HUWE1: variants seen among roughly 807,000 people sequenced by gnomAD.
The protein encoded by HUWE1 is HECT, UBA and WWE domain containing E3 ubiquitin protein ligase 1.
HUWE1 carries 18 observed loss-of-function variants against 299.4 expected under a neutral mutation model. That is an observed-to-expected ratio of 0.06 (90% CI 0.04 to 0.09). The LOEUF (loss-of-function observed/expected upper bound fraction) is 0.09, where lower values mean the gene tolerates loss of function less well. Ranked by LOEUF, HUWE1 falls within the 10% of genes least tolerant of loss-of-function variation. The pLI is 1.00. For synonymous variants in HUWE1, 1,317 were observed against 1,286.1 expected (o/e 1.02, Z -0.51); for missense variants, 1,832 against 3,462.3 (o/e 0.53, Z 11.82).
chrX:53,678,615 A>T (rs1228554162), intron 3 of HUWE1, among the ~76,000 whole-genome samples: 1 of 111,964 alleles, frequency 8.9e-6, no homozygotes, highest in African/African-American at 3.2e-5. Context: ...GAAAATCAAC[A>T]TGTAAGTAGA....
intron 41 of HUWE1, 69 bp from the exon 42 acceptor site, chrX:53,583,985 CTAAG>C: frequency 1.1e-6 from 1 of 936,542 alleles, no homozygotes. Flanking sequence ...CGCCTCCCTC[CTAAG>C]TAATTGGCCA....
intron 60 of HUWE1, chrX:53,556,277 G>A: frequency 2.9e-6 from 1 of 347,436 alleles, no homozygotes. Flanking sequence ...CTTCTAATTG[G>A]GGCCTAATAT....
chrX:53,672,467 CAG>C (rs2149544560), intron 3 of HUWE1, among the ~76,000 whole-genome samples: 1 of 109,879 alleles, frequency 9.1e-6, no homozygotes, highest in South Asian at 3.9e-4. Context: ...CCATGTTGGC[CAG>C]GCTGGTCTCG....
chrX:53,562,043 G>A (rs2062319652), intron 54 of HUWE1, 68 bp downstream of exon 54: 2 of 1,208,740 alleles, frequency 1.7e-6, no homozygotes, highest in Non-Finnish European at 2.2e-6. Flanking sequence ...CAGACTGTTG[G>A]TTTTCTGCAG....
chrX:53,635,944 A>C (rs2067185753), intron 7 of HUWE1, among the ~76,000 whole-genome samples: 1 of 112,580 alleles, frequency 8.9e-6, no homozygotes, highest in Non-Finnish European at 1.9e-5. Context: ...TCCTGTGAGA[A>C]ATAAGCTTTC....
intron 46 of HUWE1, among the ~76,000 whole-genome samples, chrX:53,574,555 C>T (rs781990350): frequency 1.4e-4 from 16 of 112,487 alleles, no homozygotes; most frequent in South Asian, 3.7e-4. Flanking sequence ...CCATCATCCA[C>T]GCTATACACT....
rs1304226684 is a variant in HUWE1 at position 53,542,784 on chromosome X, A to C, written c.11380-245T>G. On this transcript the variant is annotated intron_variant, in intron 73 of 83. Transcript: ENST00000262854. ...GATGCTTACATTTCCTACAGTCTACAATCCAGACCTGTGACCAGTCAGAAC... is the reference window on the plus strand; with the variant it reads ...GATGCTTACATTTCCTACAGTCTACCATCCAGACCTGTGACCAGTCAGAAC... 2.3e-5 allele frequency: 9 copies of C among 394,818 alleles called. No individual in the cohort carries two copies. The East Asian group carries it at 4.0e-4, about 18-fold the overall frequency. 32.5% of individuals were successfully genotyped at this position (394,818 alleles called of 1,213,427 possible). A position where few individuals can be genotyped will look rare whatever the true frequency, so the allele number is the denominator to read the frequency against.
chrX:53,577,766 C>A (rs1264118618), intron 43 of HUWE1, among the ~76,000 whole-genome samples: 1 of 114,553 alleles, frequency 8.7e-6, no homozygotes, highest in Non-Finnish European at 1.9e-5. Context: ...GCGAGTGATC[C>A]GCCAGCCTCG....
intron 34 of HUWE1, 58 bp from the exon 35 acceptor site, chrX:53,590,557 A>G: frequency 3.5e-6 from 3 of 854,628 alleles, no homozygotes; most frequent in Non-Finnish European, 5.2e-6. Context: ...GAAACCCAAC[A>G]AGACCACTGC....
rs977064044 is a variant in HUWE1, at chrX:53,591,163, A to T, written c.3973-41T>A. ...AAGGGCTCAGAATCACATAACGGAA[A>T]TCCAAATACATTTTTAAAAGGAAGG... On this transcript the variant is annotated intron_variant, in intron 33 of 83. Transcript: ENST00000262854. The T allele has an allele frequency of 1.3e-5, 15 of 1,191,847 alleles. No homozygotes were observed. In the African/African-American group the frequency reaches 2.5e-4, roughly 20 times the overall value.
intron 48 of HUWE1, 123 bp from the exon 49 acceptor site, chrX:53,568,997 A>T: frequency 1.8e-6 from 1 of 571,136 alleles, no homozygotes; most frequent in South Asian, 2.7e-5. Context: ...AATAACATCT[A>T]AACAAACAGG....
intron 61 of HUWE1, 131 bp from the exon 62 acceptor site, chrX:53,553,024 C>A: frequency 3.0e-6 from 2 of 664,605 alleles, no homozygotes; most frequent in African/African-American, 2.2e-5. Context: ...CTTGCTGTCC[C>A]CCTCTCAATC....
chrX:53,559,571 C>T (rs2062190800), intron 56 of HUWE1, 39 bp from the exon 57 acceptor site: 1 of 1,116,216 alleles, frequency 9.0e-7, no homozygotes, highest in African/African-American at 1.8e-5. Flanking sequence ...ACTGTTAAGT[C>T]CAGAGGTGCC....
At position 53,554,747 on chromosome X, in the gene HUWE1, C is replaced by T. The variant is rs782724515; in HGVS notation, c.8380G>A (p.Gly2794Arg). 8.3e-7 allele frequency: 1 copy of T among 1,210,233 alleles called. No individual in the cohort carries two copies. The highest frequency in any genetic ancestry group is 2.2e-5 in the Admixed American group (1 of 45,894). Residue 2794 changes from glycine to arginine, a missense_variant, in exon 61 of 84, where the codon GGG (glycine) becomes AGG (arginine). Gly to Arg is a moderately radical substitution (Grantham distance 125). Transcript: ENST00000262854. ...ATCAATAGCTGTGTAGAGCTGCCCC[C>T]TTCTCCAGCTGGAGACTGCAGCTCC... ...PQELQSPAGE[G>R]GSSTQLLMPV...
rs782367563 is a variant in HUWE1 at position 53,616,227 on chromosome X, AT to A, written c.1958-393del. Among the ~76,000 whole-genome samples, 660 of 96,487 alleles carry A rather than the reference AT, an allele frequency of 6.8e-3. 5 individuals are homozygous for A. The highest frequency in any genetic ancestry group is 0.029 in the South Asian group (64 of 2,209). The allele number at this position is 96,487 out of a possible 115,157, so 83.8% of individuals were successfully genotyped here. On this transcript the variant is annotated intron_variant, in intron 21 of 83. Coordinates refer to ENST00000262854, the MANE Select transcript of HUWE1 (RefSeq NM_031407.7). ...CAGGCTGTTGTGATATTTTTTTCCT[AT>A]TTTTTTTTTTTGGTTGTGATTTTCT...
At position 53,604,622 on chromosome X, in the gene HUWE1, G is replaced by A. The variant is rs141644800; in HGVS notation, c.2709C>T (p.Ile903=). 60 of 1,209,922 alleles carry A rather than the reference G, an allele frequency of 5.0e-5. No individual in the cohort carries two copies. Among genetic ancestry groups the A allele is most frequent in the Non-Finnish European group, 6.3e-5 (56 of 894,822 alleles). The change falls in exon 26 of 84, where the codon ATC becomes ATT. Residue 903 remains isoleucine, a synonymous_variant. Coordinates refer to ENST00000262854, the MANE Select transcript of HUWE1 (RefSeq NM_031407.7). Reference sequence around the variant, plus strand: ...CTCTGCAAGTATGAACAAACATCATGATGTAGGCATGGGCAGCAGTGAGTG... The same window carrying A: ...CTCTGCAAGTATGAACAAACATCATAATGTAGGCATGGGCAGCAGTGAGTG... ...LHALTAAHAY[I]MMFVHTCRVG... is the part of the protein sequence containing the mutation.
chrX:53,559,134 C>G, intron 57 of HUWE1, 74 bp from the exon 58 acceptor site: 1 of 880,248 alleles, frequency 1.1e-6, no homozygotes, highest in South Asian at 2.2e-5. Flanking sequence ...CCAAAAATTG[C>G]AGTATTTCCC....
rs782487642 is a variant in HUWE1, at chrX:53,558,610, G to A, written c.8160+45C>T. On this transcript the variant is annotated intron_variant, in intron 59 of 83. Transcript: ENST00000262854. Reference sequence around the variant, plus strand: ...CATGTGTATGCCAAAACCACATTACGGCAGACACAGTCAAAGATGAATCCT... The same window carrying A: ...CATGTGTATGCCAAAACCACATTACAGCAGACACAGTCAAAGATGAATCCT... 6.0e-6 allele frequency: 7 copies of A among 1,163,935 alleles called. No homozygotes were observed. In the Admixed American group the frequency reaches 6.6e-5, roughly 11 times the overall value.
rs150009499 is a variant in HUWE1 at position 53,673,262 on chromosome X, G to A, written c.-25+6787C>T. On this transcript the variant is annotated intron_variant, in intron 3 of 83. Transcript: ENST00000262854. ...GATTGTAAGGGGGGAAGGGAATGCT[G>A]GGTATTAAAAAAGTATCTCCTGTTT... Among the ~76,000 whole-genome samples, 402 of 111,448 alleles carry A rather than the reference G, an allele frequency of 3.6e-3. 4 individuals are homozygous for A. Among genetic ancestry groups the A allele is most frequent in the African/African-American group, 0.013 (386 of 30,659 alleles).
Sources: allele counts gnomAD v4.1 joint callset (sites outside exome capture counted in the v4.1 genomes callset), GRCh38; gene constraint gnomAD v4.1.1; transcripts MANE v1.5; gene names NCBI Gene and HGNC (gene_info 2026-07-23, HGNC 2026-07-21).